Variants in HSPA12A observed in about 807,000 individuals in gnomAD.
HSPA12A encodes the protein heat shock protein family A (Hsp70) member 12A.
Under a neutral mutation model 69.2 loss-of-function variants are expected in HSPA12A, and 28 were observed. That is an observed-to-expected ratio of 0.40 (90% CI 0.30 to 0.55). The LOEUF is 0.55. Ranked by LOEUF, HSPA12A falls within the 20% of genes least tolerant of loss-of-function variation. The probability of loss-of-function intolerance (pLI) is 0.38; values close to 1 mark genes in which losing one functional copy is unlikely to be tolerated. For synonymous variants in HSPA12A, 345 were observed against 370.5 expected (o/e 0.93, Z 0.79); for missense variants, 686 against 900.7 (o/e 0.76, Z 3.05).
At chr10:116,814,253 A>T (rs764332726) in intron 2 of HSPA12A, among the ~76,000 whole-genome samples, 68 of 152,378 alleles carry the variant, frequency 4.5e-4, no homozygotes, top group Middle Eastern at 6.8e-3. Context: ...ATACTCAGAC[A>T]GAAGCACAGA....
intron 2 of HSPA12A, among the ~76,000 whole-genome samples, chr10:116,818,271 T>C (rs1197757851): frequency 1.3e-5 from 2 of 152,238 alleles, no homozygotes; most frequent in South Asian, 4.1e-4. Flanking sequence ...TTGTCTCTCT[T>C]GGCCCCTGTA....
At chr10:116,761,502 G>T (rs1333092434) in intron 2 of HSPA12A, among the ~76,000 whole-genome samples, 1 of 147,740 alleles carries the variant, frequency 6.8e-6, no homozygotes, top group Non-Finnish European at 1.5e-5. Context: ...AAAAAAAAAA[G>T]AACAAAAATT....
Position 116,700,813 on chromosome 10 carries a change from C to T in HSPA12A, c.441+130G>A, listed in dbSNP as rs1437414524. ...TGTGTCTAAAATCAAGGTAAATGGA[C>T]ACTGATTTCTGCTTGGAAGAGACCA... On this transcript the variant is annotated intron_variant, in intron 4 of 11. Coordinates refer to ENST00000369209, the MANE Select transcript of HSPA12A (RefSeq NM_025015.3). 4 of 779,714 alleles carry T rather than the reference C, an allele frequency of 5.1e-6. No homozygotes were observed. In the African/African-American group the frequency reaches 5.2e-5, roughly 10 times the overall value. The allele number at this position is 779,714 out of a possible 1,614,324, so 48.3% of individuals were successfully genotyped here.
upstream of HSPA12A, among the ~76,000 whole-genome samples, chr10:116,745,610 T>C (rs1222094845): frequency 6.6e-6 from 1 of 152,148 alleles, no homozygotes; most frequent in Non-Finnish European, 1.5e-5. Context: ...TTCCTGCTGG[T>C]CACTCCAGCT....
intron 2 of HSPA12A, among the ~76,000 whole-genome samples, chr10:116,825,584 AAAG>A (rs1845487605): frequency 6.6e-6 from 1 of 152,176 alleles, no homozygotes; most frequent in African/African-American, 2.4e-5. Context: ...ATGCTAAACG[AAAG>A]AAGCAGTTAA....
At chr10:116,676,733 A>T (rs1415261230) in intron 10 of HSPA12A, among the ~76,000 whole-genome samples, 1 of 152,202 alleles carries the variant, frequency 6.6e-6, no homozygotes, top group African/African-American at 2.4e-5. Flanking sequence ...GCTGTGACCG[A>T]CCTTCCCCTG....
intron 2 of HSPA12A, among the ~76,000 whole-genome samples, chr10:116,787,008 A>ACG (rs1844592287): frequency 6.9e-5 from 1 of 14,458 alleles, no homozygotes; most frequent in South Asian, 4.2e-3. Context: ...ACACACACAC[A>ACG]TACACACACG....
At chr10:116,741,622 G>A (rs1851509778) in intron 1 of HSPA12A, among the ~76,000 whole-genome samples, 1 of 152,150 alleles carries the variant, frequency 6.6e-6, no homozygotes, top group African/African-American at 2.4e-5. Context: ...TTACAGCCCT[G>A]GGCTCCGAAA....
chr10:116,717,626 G>A (rs1239502151), intron 1 of HSPA12A, among the ~76,000 whole-genome samples: 3 of 152,070 alleles, frequency 2.0e-5, no homozygotes, highest in African/African-American at 7.2e-5. Context: ...CTGGCTCATG[G>A]CAAGCACCCG....
chr10:116,709,979 G>A (rs1173095719), intron 1 of HSPA12A, among the ~76,000 whole-genome samples: 5 of 152,198 alleles, frequency 3.3e-5, no homozygotes, highest in Non-Finnish European at 7.3e-5. Flanking sequence ...AGCCGTGGGC[G>A]CTAATTGCTC....
intron 1 of HSPA12A, among the ~76,000 whole-genome samples, chr10:116,839,604 T>TAAAAAAAAAAAAAA: frequency 1.7e-5 from 1 of 59,134 alleles, no homozygotes; most frequent in Non-Finnish European, 3.2e-5. Flanking sequence ...ATGCCTACCG[T>TAAAAAAAAAAAAAA]AAAAAAAAAA....
chr10:116,788,866 AT>A (rs34187640), intron 2 of HSPA12A, among the ~76,000 whole-genome samples: 11,645 of 138,502 alleles, frequency 0.084, 389 homozygotes, highest in East Asian at 0.18. Context: ...CTACGCAGCT[AT>A]TTTTTTTTTT....
Position 116,675,175 on chromosome 10 carries a change from T to C in HSPA12A, c.1634A>G (p.Tyr545Cys). ...LTYGVGVLNRYVEGKHPPEKL... is the reference protein window; with the variant it reads ...LTYGVGVLNRCVEGKHPPEKL... ...CTCAGGCGGGTGCTTGCCCTCCACG[T>C]AGCGGTTCAGCACGCCTACCCCGTA... Residue 545 changes from tyrosine (Y) to cysteine (C), a missense_variant, in exon 12 of 12, where the codon TAC becomes TGC. By Grantham distance (194) the Tyr-to-Cys change is radical (BLOSUM62 -2). Transcript: ENST00000369209. This position sits in a 1 kb window ranked among gnomAD's most constrained non-coding sequence, Gnocchi z 5.2. 1 of 1,613,732 alleles carries C rather than the reference T, an allele frequency of 6.2e-7. No homozygotes were observed. The highest frequency in any genetic ancestry group is 1.1e-5 in the South Asian group (1 of 91,056).
chr10:116,740,343 T>A lies in HSPA12A; in HGVS notation c.40+2087A>T, dbSNP rs10787727. ...GCAATGAGGAAACCTTAGAAATAAG[T>A]GTAGGGGCCAGGGGCAAGCCAACTC... On this transcript the variant is annotated intron_variant, in intron 1 of 11. Coordinates refer to ENST00000369209, the MANE Select transcript of HSPA12A (RefSeq NM_025015.3). Among the ~76,000 whole-genome samples the A allele has an allele frequency of 1.5e-4, 23 of 152,132 alleles. 1 individual carries two copies. Among genetic ancestry groups the A allele is most frequent in the Non-Finnish European group, 2.9e-5 (2 of 68,002 alleles).
chr10:116,700,230 C>G (rs782043629), intron 4 of HSPA12A, among the ~76,000 whole-genome samples: 1 of 152,218 alleles, frequency 6.6e-6, no homozygotes, highest in Non-Finnish European at 1.5e-5. Context: ...ACATCATCAT[C>G]ATCCTGCCTT....
chr10:116,679,817 C>A, intron 9 of HSPA12A, 56 bp from the exon 10 acceptor site: 2 of 1,583,150 alleles, frequency 1.3e-6, no homozygotes, highest in Non-Finnish European at 1.7e-6. Flanking sequence ...GAAACCCAAT[C>A]CAGACTCTGA....
At chr10:116,744,982 G>A (rs1391413574), upstream of HSPA12A, among the ~76,000 whole-genome samples, 3 of 152,224 alleles carry the variant, frequency 2.0e-5, no homozygotes, top group South Asian at 6.2e-4. Context: ...ATGCCTCAGT[G>A]ACCTCAGCTC....
chr10:116,833,584 T>C (rs1845658582), intron 2 of HSPA12A, among the ~76,000 whole-genome samples: 1 of 152,154 alleles, frequency 6.6e-6, no homozygotes, highest in African/African-American at 2.4e-5. Flanking sequence ...GACAATAATT[T>C]TTCTCCCGAA....
Position 116,712,977 on chromosome 10 carries a change from A to AATATATATATATATATATAT in HSPA12A, c.41-5712_41-5693dup, listed in dbSNP as rs56007651. Among the ~76,000 whole-genome samples, 794 of 80,584 alleles carry AATATATATATATATATATAT rather than the reference A, an allele frequency of 9.9e-3. 10 individuals are homozygous for AATATATATATATATATATAT. Among genetic ancestry groups the AATATATATATATATATATAT allele is most frequent in the African/African-American group, 0.013 (237 of 17,772 alleles). 52.9% of individuals were successfully genotyped at this position (80,584 alleles called of 152,430 possible). ...TGGTACTTATGATTTTAAAAAATGCAATATATATATATATATATATATATA... is the reference window on the plus strand; with the variant it reads ...TGGTACTTATGATTTTAAAAAATGCAATATATATATATATATATATATATATATATATATATATATATATA... On this transcript the variant is annotated intron_variant, in intron 1 of 11. Transcript: ENST00000369209.
Sources: gnomAD v4.1 joint callset for allele counts (sites outside exome capture counted in the v4.1 genomes callset) on GRCh38, gnomAD v4.1.1 for gene constraint, Gnocchi (gnomAD v3.1) non-coding constraint, MANE v1.5 for transcripts, NCBI Gene and HGNC (gene_info 2026-07-23, HGNC 2026-07-21) for gene names.